KCNN2: variants seen among roughly 807,000 people sequenced by gnomAD.
KCNN2 encodes small conductance calcium-activated potassium channel protein 2.
In KCNN2, 24 loss-of-function variants were observed where a neutral mutation model predicts 55.5. The ratio of observed to expected loss-of-function variants is 0.43; its 90% confidence interval spans 0.31 to 0.61. The LOEUF is 0.61. Ranked by LOEUF, KCNN2 falls within the 20% of genes least tolerant of loss-of-function variation. The pLI, the probability that KCNN2 is intolerant of heterozygous loss-of-function variation, is 0.08. For synonymous variants in KCNN2, 431 were observed against 336.1 expected (o/e 1.28, Z -3.09); for missense variants, 754 against 853.6 (o/e 0.88, Z 1.45).
rs756263922 is a variant in KCNN2 at position 114,451,896 on chromosome 5, C to CAAAA, written c.1638-11140_1638-11137dup. Among the ~76,000 whole-genome samples the CAAAA allele has an allele frequency of 4.8e-3, 455 of 94,032 alleles. 5 individuals are homozygous for CAAAA. The highest frequency in any genetic ancestry group is 0.017 in the African/African-American group (412 of 24,038). The allele number at this position is 94,032 out of a possible 152,430, so 61.7% of individuals were successfully genotyped here. A position where few individuals can be genotyped will look rare whatever the true frequency, so the allele number is the denominator to read the frequency against. On this transcript the variant is annotated intron_variant, in intron 3 of 7. Coordinates refer to ENST00000673685, the MANE Select transcript of KCNN2 (RefSeq NM_021614.4). ...TGGGTGACAGAGCAAGACACTGTCT[C>CAAAA]AAAAAAAAAAAAAAAAGAATCAAAT...
At chr5:114,284,904 T>A (rs1341517565) in intron 2 of KCNN2, among the ~76,000 whole-genome samples, 1 of 152,058 alleles carries the variant, frequency 6.6e-6, no homozygotes, top group African/African-American at 2.4e-5. Context: ...AGACAAACTT[T>A]CCAGCCTCTA....
chr5:114,241,768 ATATATACATATATACG>A lies in KCNN2; in HGVS notation c.-185+20210_-185+20225del, dbSNP rs1561537098. On this transcript the variant is annotated intron_variant, in intron 2 of 10. Transcript: ENST00000512097. ...TATATATATGTATATATATACGTATATATATACATATATACGTATATATATGTATATATATACGTAT... is the reference window on the plus strand; with the variant it reads ...TATATATATGTATATATATACGTATATATATATATGTATATATATACGTAT... Among the ~76,000 whole-genome samples, 17 of 15,172 alleles carry A rather than the reference ATATATACATATATACG, an allele frequency of 1.1e-3. 3 individuals are homozygous for A. The highest frequency in any genetic ancestry group is 4.5e-3 in the Admixed American group (6 of 1,336). 10.0% of individuals were successfully genotyped at this position (15,172 alleles called of 152,430 possible). A position where few individuals can be genotyped will look rare whatever the true frequency, so the allele number is the denominator to read the frequency against.
At chr5:114,279,317 T>G (rs1434911519) in intron 2 of KCNN2, among the ~76,000 whole-genome samples, 1 of 152,142 alleles carries the variant, frequency 6.6e-6, no homozygotes, top group African/African-American at 2.4e-5. Context: ...TTTTTTTTAT[T>G]ATACTTTAAG....
chr5:114,087,637 A>C (rs1751044983), intron 1 of KCNN2, among the ~76,000 whole-genome samples: 1 of 151,910 alleles, frequency 6.6e-6, no homozygotes, highest in Non-Finnish European at 1.5e-5. Flanking sequence ...GGTTGTGTTT[A>C]TATCTACCAC....
At chr5:114,220,825 CAAAAAA>C (rs11311434) in intron 1 of KCNN2, among the ~76,000 whole-genome samples, 1 of 91,902 alleles carries the variant, frequency 1.1e-5, no homozygotes, top group East Asian at 2.9e-4. Flanking sequence ...GACTCCATCT[CAAAAAA>C]AAAAAAAAAA....
At chr5:114,353,937 T>A (rs568815435) in intron 2 of KCNN2, among the ~76,000 whole-genome samples, 23 of 151,978 alleles carry the variant, frequency 1.5e-4, no homozygotes, top group Non-Finnish European at 2.8e-4. Flanking sequence ...GTTGAATTTC[T>A]TGGAGGTGTA....
intron 2 of KCNN2, among the ~76,000 whole-genome samples, chr5:114,234,109 A>G (rs1275138084): frequency 6.7e-6 from 1 of 149,318 alleles, no homozygotes; most frequent in Non-Finnish European, 1.5e-5. Context: ...GTCTCCTTTT[A>G]TTTCATAGCA....
chr5:114,246,330 A>T (rs1420506162), intron 2 of KCNN2, among the ~76,000 whole-genome samples: 2 of 152,210 alleles, frequency 1.3e-5, no homozygotes, highest in African/African-American at 4.8e-5. Context: ...GCGATGCTCT[A>T]GGCAGCAAGA....
chr5:114,153,438 T>G (rs981215062), intron 1 of KCNN2, among the ~76,000 whole-genome samples: 7 of 152,156 alleles, frequency 4.6e-5, no homozygotes, highest in African/African-American at 1.7e-4. Context: ...ACCCTACTTA[T>G]AAGCATATGA....
chr5:114,413,295 A>T (rs1480183117), intron 3 of KCNN2, among the ~76,000 whole-genome samples: 2 of 151,874 alleles, frequency 1.3e-5, no homozygotes. Flanking sequence ...TTGTAGTTTT[A>T]TTTTTTGAGT....
chr5:114,201,173 T>C (rs1753666831), intron 1 of KCNN2, among the ~76,000 whole-genome samples: 1 of 152,040 alleles, frequency 6.6e-6, no homozygotes, highest in South Asian at 2.1e-4. Context: ...AATGAATTCG[T>C]GGGCTAATCC....
At chr5:114,176,963 G>C (rs1426485333) in intron 1 of KCNN2, among the ~76,000 whole-genome samples, 2 of 151,844 alleles carry the variant, frequency 1.3e-5, no homozygotes, top group African/African-American at 2.4e-5. Flanking sequence ...TTTTAAAGGA[G>C]GAACAGTTTT....
At chr5:114,386,035 A>T (rs1002551587) in intron 2 of KCNN2, among the ~76,000 whole-genome samples, 10 of 151,876 alleles carry the variant, frequency 6.6e-5, no homozygotes, top group Non-Finnish European at 1.5e-4. Flanking sequence ...ACAAAAAATT[A>T]GCCGGGCATG....
At chr5:114,111,116 T>A (rs1395479629) in intron 1 of KCNN2, among the ~76,000 whole-genome samples, 1 of 152,140 alleles carries the variant, frequency 6.6e-6, no homozygotes, top group Non-Finnish European at 1.5e-5. Flanking sequence ...AGCATGGTAC[T>A]GTTACCAAAA....
At chr5:114,094,349 T>G (rs1751213083) in intron 1 of KCNN2, among the ~76,000 whole-genome samples, 1 of 152,158 alleles carries the variant, frequency 6.6e-6, no homozygotes, top group African/African-American at 2.4e-5. Flanking sequence ...CTGAAAATTG[T>G]TGAGAAGGAT....
chr5:114,318,124 G>A (rs1264134454), intron 2 of KCNN2, among the ~76,000 whole-genome samples: 1 of 152,138 alleles, frequency 6.6e-6, no homozygotes, highest in African/African-American at 2.4e-5. Context: ...CTCATCTCCT[G>A]TCTGCTCTTC....
chr5:114,441,945 A>G (rs940502921), intron 3 of KCNN2, among the ~76,000 whole-genome samples: 8 of 152,320 alleles, frequency 5.3e-5, no homozygotes, highest in African/African-American at 1.9e-4. Context: ...TTAAAACTTA[A>G]CTGCTGTATT....
intron 1 of KCNN2, among the ~76,000 whole-genome samples, chr5:114,147,318 A>T (rs1752419286): frequency 6.6e-6 from 1 of 152,134 alleles, no homozygotes; most frequent in Non-Finnish European, 1.5e-5. Flanking sequence ...CAGCACAAGG[A>T]TGTAGAAAAG....
chr5:114,452,228 T>C (rs1039262792), intron 3 of KCNN2, among the ~76,000 whole-genome samples: 2 of 152,176 alleles, frequency 1.3e-5, no homozygotes, highest in Non-Finnish European at 2.9e-5. Context: ...GCACCCTCAC[T>C]TAGGGAGGTT....
Sources: gnomAD v4.1 joint callset for allele counts (sites outside exome capture counted in the v4.1 genomes callset) on GRCh38, gnomAD v4.1.1 for gene constraint, MANE v1.5 for transcripts, NCBI Gene and HGNC (gene_info 2026-07-23, HGNC 2026-07-21) for gene names.